Variants in RAD50 observed in about 807,000 individuals in gnomAD.
The protein encoded by RAD50 is RAD50 double strand break repair protein.
Under a neutral mutation model 168.8 loss-of-function variants are expected in RAD50, and 132 were observed. The ratio of observed to expected loss-of-function variants is 0.78; its 90% CI spans 0.68 to 0.90. The LOEUF is 0.90. RAD50 is among the 40% of genes least tolerant of loss of function. The probability of loss-of-function intolerance (pLI) is 0.00; values close to 1 mark genes in which losing one functional copy is unlikely to be tolerated. For synonymous variants in RAD50, 525 were observed against 497.4 expected (o/e 1.06, Z -0.74); for missense variants, 1,347 against 1,534.4 (o/e 0.88, Z 2.04).
At chr5:132,619,855 G>GAT (rs1312742425) in intron 21 of RAD50, among the ~76,000 whole-genome samples, 1,637 of 95,724 alleles carry the variant, frequency 0.017, 31 homozygotes, top group African/African-American at 0.061. Flanking sequence ...TATATATAAA[G>GAT]ATATATATAT....
At chr5:132,604,688 TG>T in intron 15 of RAD50, 117 bp from the exon 16 acceptor site, 1 of 856,326 alleles carries the variant, frequency 1.2e-6, no homozygotes, top group Non-Finnish European at 1.9e-6. Context: ...TTGCAGTGGG[TG>T]GGGCCCACAG....
At chr5:132,615,210 A>T (rs1225032761) in intron 19 of RAD50, among the ~76,000 whole-genome samples, 1 of 152,172 alleles carries the variant, frequency 6.6e-6, no homozygotes, top group Non-Finnish European at 1.5e-5. Flanking sequence ...AACATAGTTC[A>T]TTTTAATCAC....
At chr5:132,587,764 T>G in intron 6 of RAD50, 74 bp downstream of exon 6, 5 of 1,599,454 alleles carry the variant, frequency 3.1e-6, no homozygotes, top group Non-Finnish European at 4.3e-6. Flanking sequence ...GAATCCATTT[T>G]GCCATCCACA....
At chr5:132,571,767 A>C (rs1285408604) in intron 2 of RAD50, among the ~76,000 whole-genome samples, 1 of 152,192 alleles carries the variant, frequency 6.6e-6, no homozygotes, top group South Asian at 2.1e-4. Context: ...AATGAGATAA[A>C]TGGAAATGAT....
intron 19 of RAD50, among the ~76,000 whole-genome samples, chr5:132,614,928 A>G (rs1277876456): frequency 6.6e-6 from 1 of 152,164 alleles, no homozygotes; most frequent in Non-Finnish European, 1.5e-5. Context: ...TCTCTCATCT[A>G]CCAGTCCCTG....
At chr5:132,557,845 A>G (rs1043113548) in intron 1 of RAD50, among the ~76,000 whole-genome samples, 28 of 152,240 alleles carry the variant, frequency 1.8e-4, no homozygotes, top group Non-Finnish European at 3.5e-4. Flanking sequence ...AAGTTATAAA[A>G]TGATACATAC....
intron 5 of RAD50, among the ~76,000 whole-genome samples, chr5:132,585,021 C>T (rs1349510497): frequency 1.3e-5 from 2 of 151,916 alleles, no homozygotes; most frequent in African/African-American, 2.4e-5. Context: ...ATGGGTGCAG[C>T]ACACCAACAT....
At chr5:132,602,066 C>T (rs1750898808) in intron 13 of RAD50, among the ~76,000 whole-genome samples, 1 of 151,998 alleles carries the variant, frequency 6.6e-6, no homozygotes, top group African/African-American at 2.4e-5. Context: ...CACCATGGCA[C>T]GTGTATACCT....
intron 1 of RAD50, 55 bp from the exon 2 acceptor site, chr5:132,559,229 G>A: frequency 1.4e-6 from 2 of 1,468,588 alleles, no homozygotes; most frequent in East Asian, 2.3e-5. Flanking sequence ...CATATTTTAT[G>A]GTAAACTTCT....
Position 132,598,195 on chromosome 5 carries a change from A to G in RAD50, c.2207+2385A>G, listed in dbSNP as rs116088750. Among the ~76,000 whole-genome samples the G allele has an allele frequency of 6.4e-3, 972 of 151,570 alleles. 5 individuals carry two copies. The highest frequency in any genetic ancestry group is 0.022 in the African/African-American group (929 of 41,308). The stretch of plus-strand genomic sequence containing the variant: ...CCCAAGTAGCTGGGATTACAGGCGC[A>G]CGTCACCAGGCTCGGCTAATTTTTT... On this transcript the variant is annotated intron_variant, in intron 13 of 24. Coordinates refer to ENST00000378823, the MANE Select transcript of RAD50 (RefSeq NM_005732.4).
At chr5:132,586,337 A>G (rs576209260) in intron 5 of RAD50, among the ~76,000 whole-genome samples, 4 of 152,290 alleles carry the variant, frequency 2.6e-5, no homozygotes, top group African/African-American at 9.6e-5. Flanking sequence ...CCTGCTTAGT[A>G]TATACTTTTG....
At chr5:132,632,418 T>C (rs1481213009) in intron 21 of RAD50, among the ~76,000 whole-genome samples, 2 of 152,348 alleles carry the variant, frequency 1.3e-5, no homozygotes, top group African/African-American at 4.8e-5. Context: ...GCTTTGCACA[T>C]AGTACACCCA....
Position 132,643,660 on chromosome 5 carries a change from A to G in RAD50, c.*1296A>G, listed in dbSNP as rs1024769141. On this transcript the variant is annotated 3_prime_UTR_variant, in exon 25 of 25. Coordinates refer to ENST00000378823, the MANE Select transcript of RAD50 (RefSeq NM_005732.4). Reference sequence around the variant, plus strand: ...TGACTGTTACTTTATACAGCAAAGGAAACTTTGCAGATGTGATTAAAGCTA... The same window carrying G: ...TGACTGTTACTTTATACAGCAAAGGGAACTTTGCAGATGTGATTAAAGCTA... 1 of 222,340 alleles carries G rather than the reference A, an allele frequency of 4.5e-6. No individual in the cohort carries two copies. Among genetic ancestry groups the G allele is most frequent in the Non-Finnish European group, 8.9e-6 (1 of 111,926 alleles). 13.8% of individuals were successfully genotyped at this position (222,340 alleles called of 1,614,324 possible). A position where few individuals can be genotyped will look rare whatever the true frequency, so the allele number is the denominator to read the frequency against.
chr5:132,588,584 C>A (rs2149840890), intron 7 of RAD50, 103 bp from the exon 8 acceptor site: 1 of 1,201,212 alleles, frequency 8.3e-7, no homozygotes, highest in Non-Finnish European at 1.2e-6. Context: ...GCAAAATGTA[C>A]AAGAGACACA....
At position 132,595,661 on chromosome 5, in the gene RAD50, A is replaced by G. The variant is rs2149844079; in HGVS notation, c.2058A>G (p.Arg686=). ...AGTCATGTTGCCCCGTTTGTCAGAGAGTTTTTCAGACAGAGGCTGAGTTAC... is the reference window on the plus strand; with the variant it reads ...AGTCATGTTGCCCCGTTTGTCAGAGGGTTTTTCAGACAGAGGCTGAGTTAC... The part of the protein sequence containing the change: ...ENQSCCPVCQ[R]VFQTEAELQE... Residue 686 remains arginine (R), a synonymous_variant, in exon 13 of 25, where the codon AGA becomes AGG. Transcript: ENST00000378823. 6.2e-7 allele frequency: 1 copy of G among 1,614,068 alleles called. No individual in the cohort carries two copies. The highest frequency in any genetic ancestry group is 1.3e-5 in the African/African-American group (1 of 75,016).
intron 5 of RAD50, among the ~76,000 whole-genome samples, chr5:132,586,885 A>G (rs939725825): frequency 1.3e-5 from 2 of 152,228 alleles, no homozygotes; most frequent in African/African-American, 4.8e-5. Flanking sequence ...TGAAATAATA[A>G]TAATAAAAGT....
Position 132,644,591 on chromosome 5 carries a change from A to G in RAD50, c.*2227A>G, listed in dbSNP as rs1421657129. The G allele has an allele frequency of 1.1e-5, 2 of 182,528 alleles. No homozygotes were observed. The highest frequency in any genetic ancestry group is 2.3e-5 in the Non-Finnish European group (2 of 85,734). 11.3% of individuals were successfully genotyped at this position (182,528 alleles called of 1,614,324 possible). A position where few individuals can be genotyped will look rare whatever the true frequency, so the allele number is the denominator to read the frequency against. Reference sequence around the variant, plus strand: ...GCTTGCCACCTACTAAATACTGTGTAAGTGTTCAAGAAAAAGCTGTCTTCA... The same window carrying G: ...GCTTGCCACCTACTAAATACTGTGTGAGTGTTCAAGAAAAAGCTGTCTTCA... On this transcript the variant is annotated 3_prime_UTR_variant, in exon 25 of 25. Coordinates refer to ENST00000378823, the MANE Select transcript of RAD50 (RefSeq NM_005732.4).
At chr5:132,605,269 C>A (rs962278588) in intron 16 of RAD50, among the ~76,000 whole-genome samples, 1 of 151,652 alleles carries the variant, frequency 6.6e-6, no homozygotes, top group African/African-American at 2.4e-5. Context: ...TTTCAAACTC[C>A]TGAACTAAGG....
chr5:132,608,557 AC>A, intron 16 of RAD50, 57 bp from the exon 17 acceptor site: 1 of 1,395,346 alleles, frequency 7.2e-7, no homozygotes, highest in Non-Finnish European at 9.7e-7. Flanking sequence ...GTGAAGTCTG[AC>A]CCCTAAAGTA....
Sources: allele counts gnomAD v4.1 joint callset (sites outside exome capture counted in the v4.1 genomes callset), GRCh38; gene constraint gnomAD v4.1.1; transcripts MANE v1.5; gene names NCBI Gene and HGNC (gene_info 2026-07-23, HGNC 2026-07-21).